Variants in FRMD4A observed in about 807,000 individuals in gnomAD.
The protein encoded by FRMD4A is FERM domain-containing protein 4A.
A neutral mutation model predicts 129.1 loss-of-function variants in FRMD4A; 29 were observed. That is an observed-to-expected ratio of 0.22 (90% confidence interval 0.17 to 0.31). The LOEUF (loss-of-function observed/expected upper bound fraction) is 0.31, where lower values mean the gene tolerates loss of function less well. Among genes scored for constraint, FRMD4A ranks in the 10% least tolerant of loss-of-function variants. The pLI is 1.00. For synonymous variants in FRMD4A, 634 were observed against 571.6 expected, an observed-to-expected ratio of 1.11 and a Z score of -1.56; for missense variants, 1,272 against 1,375.8, an observed-to-expected ratio of 0.92 and a Z score of 1.19.
chr10:14,161,916 G>C (rs1840906869), intron 2 of FRMD4A, among the ~76,000 whole-genome samples: 1 of 151,932 alleles, frequency 6.6e-6, no homozygotes, highest in East Asian at 1.9e-4. Flanking sequence ...TGTATGCCAT[G>C]AATATGTACA....
At chr10:14,311,573 A>T (rs969102946) in intron 2 of FRMD4A, among the ~76,000 whole-genome samples, 1 of 64,830 alleles carries the variant, frequency 1.5e-5, no homozygotes. Flanking sequence ...CCACCCTCCC[A>T]CCCACACTCA....
In FRMD4A at chr10:13,860,976, A is replaced by G. The variant is rs576304478; in HGVS notation, c.46-2064T>C. On this transcript the variant is annotated intron_variant, in intron 2 of 24. Coordinates refer to ENST00000357447, the MANE Select transcript of FRMD4A (RefSeq NM_018027.5). ...GACGTACCAACTCTCCAGGCTAAGA[A>G]TAACGCTGACATTTCTCAAGGCCTG... 3.9e-5 allele frequency among the ~76,000 whole-genome samples: 6 copies of G among 152,290 alleles called. No individual in the cohort carries two copies. The East Asian group carries it at 1.2e-3, about 29-fold the overall frequency.
At chr10:13,837,991 C>G (rs927326237) in intron 3 of FRMD4A, among the ~76,000 whole-genome samples, 13 of 152,232 alleles carry the variant, frequency 8.5e-5, no homozygotes, top group African/African-American at 3.1e-4. Flanking sequence ...TCTTCTAGAA[C>G]CTTCCTTTCC....
At chr10:14,041,851 C>CA (rs1833790222) in intron 2 of FRMD4A, among the ~76,000 whole-genome samples, 1 of 152,110 alleles carries the variant, frequency 6.6e-6, no homozygotes, top group Non-Finnish European at 1.5e-5. Flanking sequence ...ATATAAGGTT[C>CA]AAAAACAGAG....
chr10:14,307,873 T>C (rs750854122), intron 2 of FRMD4A, among the ~76,000 whole-genome samples: 4 of 152,234 alleles, frequency 2.6e-5, no homozygotes, highest in Non-Finnish European at 4.4e-5. Context: ...ACTCTAGCCC[T>C]GGGTCCTAGT....
chr10:14,284,042 A>G (rs1454071185), intron 2 of FRMD4A, among the ~76,000 whole-genome samples: 1 of 152,236 alleles, frequency 6.6e-6, no homozygotes, highest in East Asian at 1.9e-4. Flanking sequence ...CCACCCAAGC[A>G]GTCCAACTAT....
intron 2 of FRMD4A, among the ~76,000 whole-genome samples, chr10:14,100,964 C>A (rs1045787629): frequency 6.6e-6 from 1 of 152,212 alleles, no homozygotes; most frequent in East Asian, 1.9e-4. Context: ...GTCCTCACAA[C>A]GTGTGGGTTG....
chr10:13,862,742 G>A (rs1466601537), intron 2 of FRMD4A, among the ~76,000 whole-genome samples: 3 of 152,302 alleles, frequency 2.0e-5, no homozygotes, highest in African/African-American at 7.2e-5. Context: ...GGGAGCACCT[G>A]CCTGTTGTTC....
rs952699932 is a variant in FRMD4A, at chr10:13,974,351, G to C, written c.46-115439C>G. Among the ~76,000 whole-genome samples, 11 of 152,090 alleles carry C rather than the reference G, an allele frequency of 7.2e-5. 1 individual carries two copies. The East Asian group carries it at 2.1e-3, about 29-fold the overall frequency. ...TTTACCATTTGCGGGGATGAGTGGC[G>C]TGCTTTAGTGGGGCTTGCTCTGGAG... On this transcript the variant is annotated intron_variant, in intron 2 of 24. Transcript: ENST00000357447.
intron 2 of FRMD4A, among the ~76,000 whole-genome samples, chr10:14,033,003 G>A (rs1022461038): frequency 3.5e-4 from 53 of 152,160 alleles, no homozygotes; most frequent in African/African-American, 1.3e-3. Flanking sequence ...GCTCCACTAC[G>A]TTCTTTTAAG....
At chr10:13,656,548 T>C (rs1334229007) in intron 22 of FRMD4A, 88 bp downstream of exon 22, 1 of 1,294,914 alleles carries the variant, frequency 7.7e-7, no homozygotes, top group East Asian at 3.1e-5. Flanking sequence ...CACCCAGTCC[T>C]AAGGGTACCT....
intron 15 of FRMD4A, among the ~76,000 whole-genome samples, chr10:13,682,707 A>G (rs1156942612): frequency 6.6e-6 from 1 of 151,920 alleles, no homozygotes; most frequent in East Asian, 1.9e-4. Context: ...GTAGAGATAT[A>G]GTATGTTGGT....
chr10:13,673,590 A>G (rs573069162), intron 16 of FRMD4A, among the ~76,000 whole-genome samples: 75 of 148,646 alleles, frequency 5.0e-4, no homozygotes, highest in East Asian at 9.8e-4. Context: ...GCGCGCGCGC[A>G]CACACACACA....
At chr10:13,656,155 T>A (rs1193937401) in intron 22 of FRMD4A, among the ~76,000 whole-genome samples, 2 of 152,206 alleles carry the variant, frequency 1.3e-5, no homozygotes, top group African/African-American at 4.8e-5. Context: ...TGGCACTGTT[T>A]ATTAGCCAGT....
intron 2 of FRMD4A, among the ~76,000 whole-genome samples, chr10:14,186,930 G>A (rs1842162534): frequency 6.6e-6 from 1 of 151,104 alleles, no homozygotes; most frequent in African/African-American, 2.4e-5. Context: ...AGACCAGCCT[G>A]GGCAACATAC....
chr10:14,023,416 A>G (rs1323997968), intron 2 of FRMD4A, among the ~76,000 whole-genome samples: 1 of 152,208 alleles, frequency 6.6e-6, no homozygotes, highest in South Asian at 2.1e-4. Flanking sequence ...TCAGTGATGT[A>G]CTATAAAGAA....
chr10:13,909,708 T>C (rs934674138), intron 2 of FRMD4A, among the ~76,000 whole-genome samples: 6 of 152,196 alleles, frequency 3.9e-5, no homozygotes, highest in African/African-American at 1.4e-4. Flanking sequence ...TAAAAACTCA[T>C]AATAAAAAAT....
intron 2 of FRMD4A, among the ~76,000 whole-genome samples, chr10:14,307,907 A>G (rs1030874338): frequency 6.6e-6 from 1 of 152,068 alleles, no homozygotes; most frequent in African/African-American, 2.4e-5. Context: ...CCTTACTTCA[A>G]TTTCTCACTC....
chr10:14,214,320 T>A (rs910509551), intron 2 of FRMD4A, among the ~76,000 whole-genome samples: 1 of 152,156 alleles, frequency 6.6e-6, no homozygotes, highest in Non-Finnish European at 1.5e-5. Flanking sequence ...CCACATCCCA[T>A]GTCTGGGCAG....
Sources: allele counts gnomAD v4.1 joint callset (sites outside exome capture counted in the v4.1 genomes callset), GRCh38; gene constraint gnomAD v4.1.1; transcripts MANE v1.5; gene names NCBI Gene and HGNC (gene_info 2026-07-23, HGNC 2026-07-21).